Variants in SH3RF3 observed in about 807,000 individuals in gnomAD.
SH3RF3 encodes E3 ubiquitin-protein ligase SH3RF3.
In SH3RF3, 29 loss-of-function variants were observed where a neutral mutation model predicts 66.3. The ratio of observed to expected loss-of-function variants is 0.44; its 90% CI spans 0.33 to 0.60. The LOEUF is 0.60. Among genes scored for constraint, SH3RF3 ranks in the 20% least tolerant of loss-of-function variants. The pLI is 0.04. For missense variants in SH3RF3, 1,194 were observed against 1,190.9 expected (o/e 1.00, Z -0.04); for synonymous variants, 583 against 532.0 (o/e 1.10, Z -1.32).
chr2:109,215,933 C>T (rs184642995), intron 1 of SH3RF3, among the ~76,000 whole-genome samples: 464 of 152,308 alleles, frequency 3.0e-3, no homozygotes, highest in Non-Finnish European at 4.8e-3. Context: ...GGGCTTCTAC[C>T]GTGCCAGCGG....
At chr2:109,189,602 C>A (rs867023241) in intron 1 of SH3RF3, among the ~76,000 whole-genome samples, 15 of 152,138 alleles carry the variant, frequency 9.9e-5, no homozygotes, top group Non-Finnish European at 1.9e-4. Context: ...CTCCTGACCT[C>A]ATGATCTTCC....
intron 3 of SH3RF3, among the ~76,000 whole-genome samples, chr2:109,383,689 G>A (rs1239501304): frequency 6.6e-6 from 1 of 152,074 alleles, no homozygotes; most frequent in Non-Finnish European, 1.5e-5. Flanking sequence ...GCTTCATTTC[G>A]TTGCTGCTCA....
chr2:109,352,068 A>G (rs771673768), intron 2 of SH3RF3, among the ~76,000 whole-genome samples: 6 of 152,232 alleles, frequency 3.9e-5, no homozygotes, highest in Non-Finnish European at 5.9e-5. Flanking sequence ...TTAATAATGC[A>G]TGGTGACTCG....
chr2:109,251,349 G>C (rs945844883), intron 1 of SH3RF3: 17 of 558,398 alleles, frequency 3.0e-5, no homozygotes, highest in Non-Finnish European at 5.7e-5. Flanking sequence ...CAAGACACCC[G>C]GCCTGCCGCG....
At chr2:109,282,868 A>G (rs1680931096) in intron 1 of SH3RF3, among the ~76,000 whole-genome samples, 1 of 152,082 alleles carries the variant, frequency 6.6e-6, no homozygotes, top group Admixed American at 6.5e-5. Context: ...GAGAGGAGCT[A>G]TGGATGGGGA....
intron 1 of SH3RF3, among the ~76,000 whole-genome samples, chr2:109,205,167 G>A (rs1317763424): frequency 2.0e-5 from 3 of 151,938 alleles, no homozygotes; most frequent in East Asian, 1.9e-4. Context: ...TGTTTATGCC[G>A]CTGCACTCCA....
intron 1 of SH3RF3, among the ~76,000 whole-genome samples, chr2:109,339,001 ATTG>A (rs778087509): frequency 1.3e-5 from 2 of 152,200 alleles, no homozygotes; most frequent in Non-Finnish European, 1.5e-5. Flanking sequence ...GAGAAAAGAA[ATTG>A]TTATTTAAAA....
intron 1 of SH3RF3, among the ~76,000 whole-genome samples, chr2:109,178,583 G>A (rs757077880): frequency 3.9e-5 from 6 of 152,140 alleles, no homozygotes; most frequent in African/African-American, 1.2e-4. Context: ...ACTCAAATAC[G>A]TTATTTTTCA....
intron 8 of SH3RF3, among the ~76,000 whole-genome samples, chr2:109,455,120 GC>G (rs1678003250): frequency 6.6e-6 from 1 of 152,202 alleles, no homozygotes; most frequent in African/African-American, 2.4e-5. Context: ...GCATGGGAAT[GC>G]TGGCCTCCTG....
At chr2:109,144,576 T>C in intron 1 of SH3RF3, among the ~76,000 whole-genome samples, 1 of 152,254 alleles carries the variant, frequency 6.6e-6, no homozygotes, top group Non-Finnish European at 1.5e-5. Context: ...CAAGCAGCGT[T>C]GGGAAAATTG....
Position 109,398,918 on chromosome 2 carries a change from A to G in SH3RF3, c.1274A>G (p.His425Arg). 6.2e-7 allele frequency: 1 copy of G among 1,612,934 alleles called. No homozygotes were observed. The highest frequency in any genetic ancestry group is 8.5e-7 in the Non-Finnish European group (1 of 1,179,852). The change falls in exon 4 of 10, where the codon CAT becomes CGT. Residue 425 changes from histidine (H) to arginine (R), a missense_variant. Physicochemically the swap from His to Arg is conservative, Grantham distance 29. Coordinates refer to ENST00000309415, the MANE Select transcript of SH3RF3 (RefSeq NM_001099289.3). Reference protein sequence around the residue: ...RAAARIGDLAHLSCAAPTQDV... With the variant: ...RAAARIGDLARLSCAAPTQDV... ...GCGGCCAGGATTGGAGACCTTGCTC[A>G]TCTGTCGTGCGCTGCTCCCACCCAG...
intron 1 of SH3RF3, among the ~76,000 whole-genome samples, chr2:109,133,040 T>C (rs1380228600): frequency 6.6e-6 from 1 of 152,200 alleles, no homozygotes; most frequent in African/African-American, 2.4e-5. Flanking sequence ...TAGGCACTAT[T>C]ATAGGTAAAC....
Position 109,490,851 on chromosome 2 carries a change from G to A in SH3RF3, c.2395G>A (p.Asp799Asn). 2 of 1,536,318 alleles carry A rather than the reference G, an allele frequency of 1.3e-6. No homozygotes were observed. Among genetic ancestry groups the A allele is most frequent in the Non-Finnish European group, 1.7e-6 (2 of 1,146,382 alleles). The change falls in exon 9 of 10, where the codon GAT (aspartate) becomes AAT (asparagine). Residue 799 changes from aspartate to asparagine, a missense_variant. By Grantham distance (23) the Asp-to-Asn change is conservative. Transcript: ENST00000309415. ...TCTGCACAGGAAGGCAGGCTCCTTGGATCTAAACTTCACATCTCCTTCCCG... is the reference window on the plus strand; with the variant it reads ...TCTGCACAGGAAGGCAGGCTCCTTGAATCTAAACTTCACATCTCCTTCCCG... Reference protein sequence around the residue: ...EPLHRKAGSLDLNFTSPSRQA... With the variant: ...EPLHRKAGSLNLNFTSPSRQA...
chr2:109,141,558 C>T lies in SH3RF3; in HGVS notation c.573+11445C>T, dbSNP rs567421271. On this transcript the variant is annotated intron_variant, in intron 1 of 9. Transcript: ENST00000309415. ...AGTCCCCAGGCTGACCAATTCTTTA[C>T]AGGTGTAGGCTGAAGCTCCAACCCA... 3.2e-5 allele frequency: 5 copies of T among 155,000 alleles called. No individual in the cohort carries two copies. The East Asian group carries it at 9.7e-4, about 30-fold the overall frequency. 9.6% of individuals were successfully genotyped at this position (155,000 alleles called of 1,614,324 possible). A position where few individuals can be genotyped will look rare whatever the true frequency, so the allele number is the denominator to read the frequency against.
At chr2:109,230,016 G>A (rs889072609) in intron 1 of SH3RF3, among the ~76,000 whole-genome samples, 10 of 151,772 alleles carry the variant, frequency 6.6e-5, no homozygotes, top group African/African-American at 2.4e-4. Context: ...AGTAGAGACA[G>A]GGTTTCACCA....
At chr2:109,441,775 TAAAG>T (rs1677570650) in intron 7 of SH3RF3, among the ~76,000 whole-genome samples, 1 of 151,834 alleles carries the variant, frequency 6.6e-6, no homozygotes, top group African/African-American at 2.4e-5. Flanking sequence ...AAATCTCTCA[TAAAG>T]AAAACACTGA....
intron 1 of SH3RF3, among the ~76,000 whole-genome samples, chr2:109,261,198 C>T (rs992731838): frequency 1.3e-5 from 2 of 152,050 alleles, no homozygotes; most frequent in African/African-American, 4.8e-5. Context: ...GGTCAGGGCC[C>T]TTTGTAGTTG....
chr2:109,298,502 G>C (rs762415514), intron 1 of SH3RF3, among the ~76,000 whole-genome samples: 1 of 152,074 alleles, frequency 6.6e-6, no homozygotes, highest in Non-Finnish European at 1.5e-5. Flanking sequence ...GATGATTTAG[G>C]TCACTTTGCT....
At chr2:109,245,019 G>A (rs1679879276) in intron 1 of SH3RF3, among the ~76,000 whole-genome samples, 1 of 152,190 alleles carries the variant, frequency 6.6e-6, no homozygotes, top group Non-Finnish European at 1.5e-5. Flanking sequence ...GTTGTTGGAT[G>A]GCGTCCCCTT....
Sources: allele counts gnomAD v4.1 joint callset (sites outside exome capture counted in the v4.1 genomes callset), GRCh38; gene constraint gnomAD v4.1.1; transcripts MANE v1.5; gene names NCBI Gene and HGNC (gene_info 2026-07-23, HGNC 2026-07-21).